Variants in NPEPL1 observed in about 807,000 individuals in gnomAD.
The protein encoded by NPEPL1 is aminopeptidase like 1.
NPEPL1 carries 45 observed loss-of-function variants against 52.4 expected under a neutral mutation model. That is an observed-to-expected ratio of 0.86 (90% CI 0.68 to 1.10). The LOEUF (loss-of-function observed/expected upper bound fraction) is 1.10, where lower values mean the gene tolerates loss of function less well. NPEPL1 is among the 50% of genes least tolerant of loss of function. The pLI, the probability that NPEPL1 is intolerant of heterozygous loss-of-function variation, is 0.00. For missense variants in NPEPL1, 696 were observed against 710.9 expected (o/e 0.98, Z 0.24); for synonymous variants, 360 against 314.7 (o/e 1.14, Z -1.52).
intron 7 of NPEPL1, among the ~76,000 whole-genome samples, chr20:58,708,813 G>T (rs1290617492): frequency 1.3e-5 from 2 of 152,104 alleles, no homozygotes; most frequent in Non-Finnish European, 2.9e-5. Context: ...TGCGGTGCTC[G>T]CTGGGCAGCT....
chr20:58,694,014 G>T, intron 2 of NPEPL1, 92 bp downstream of exon 2: 1 of 1,260,886 alleles, frequency 7.9e-7, no homozygotes, highest in Non-Finnish European at 1.1e-6. Context: ...TCAGACTGCA[G>T]CGCACGCCCA....
chr20:58,703,243 A>C (rs945257633), intron 6 of NPEPL1, among the ~76,000 whole-genome samples: 8 of 152,238 alleles, frequency 5.3e-5, no homozygotes, highest in Admixed American at 3.9e-4. Context: ...GCGAATTTGA[A>C]GCTTTTGTTT....
At chr20:58,691,707 T>G (rs1248726693), upstream of NPEPL1, 5 of 726,154 alleles carry the variant, frequency 6.9e-6, no homozygotes, top group Non-Finnish European at 1.1e-5. Context: ...TTTTTTTTTT[T>G]TTTTTTTCAT....
chr20:58,708,866 C>G (rs755994847), intron 7 of NPEPL1, among the ~76,000 whole-genome samples: 2 of 151,942 alleles, frequency 1.3e-5, no homozygotes, highest in African/African-American at 2.4e-5. Context: ...GGCACGGGGG[C>G]AGGGGTGGGC....
intron 6 of NPEPL1, among the ~76,000 whole-genome samples, chr20:58,701,378 G>T (rs567961361): frequency 4.1e-5 from 6 of 146,794 alleles, no homozygotes; most frequent in East Asian, 2.1e-4. Context: ...GCCCTGGGGG[G>T]GGGGGAGGGG....
At chr20:58,690,059 T>G (rs527724125), upstream of NPEPL1, among the ~76,000 whole-genome samples, 9 of 152,338 alleles carry the variant, frequency 5.9e-5, no homozygotes, top group South Asian at 1.9e-3. Context: ...GGGTGAAGTC[T>G]GACATGAAAT....
intron 3 of NPEPL1, 136 bp downstream of exon 3, chr20:58,694,728 G>A: frequency 1.0e-6 from 1 of 958,998 alleles, no homozygotes; most frequent in Non-Finnish European, 1.5e-6. Flanking sequence ...TTGGTTCCTG[G>A]GAAGCGGCAG....
In NPEPL1 at chr20:58,713,215, G is replaced by A. The variant is rs2084889763; in HGVS notation, c.1002-205G>A. 3 of 575,272 alleles carry A rather than the reference G, an allele frequency of 5.2e-6. No individual in the cohort carries two copies. The South Asian group carries it at 7.8e-5, about 15-fold the overall frequency. The allele number at this position is 575,272 out of a possible 1,614,324, so 35.6% of individuals were successfully genotyped here. ...TGGCTCTCCAGAGCAGCGGGGCAGG[G>A]ATGTCACCTGGAAGCCCTTTGCTCC... is the stretch of plus-strand genomic sequence containing the variant. On this transcript the variant is annotated intron_variant, in intron 8 of 11. Transcript: ENST00000356091. The surrounding 1 kb of genome is among the most constrained non-coding windows in gnomAD (Gnocchi z 4.6).
chr20:58,691,320 G>C (rs1339831542), upstream of NPEPL1: 1 of 569,858 alleles, frequency 1.8e-6, no homozygotes, highest in Non-Finnish European at 3.1e-6. Context: ...TTTATGTCGG[G>C]AAAGCTGAGG....
rs1199029327 is a variant in NPEPL1, at chr20:58,693,978, C to G, written c.336+56C>G. ...GCTCCTAGTCGGGCAGCGGTGAGCTCGGGCCTGGGGAGCTCACAGCCCTGC... is the reference window on the plus strand; with the variant it reads ...GCTCCTAGTCGGGCAGCGGTGAGCTGGGGCCTGGGGAGCTCACAGCCCTGC... On this transcript the variant is annotated intron_variant, in intron 2 of 11. Transcript: ENST00000356091. 1.1e-5 allele frequency: 16 copies of G among 1,485,274 alleles called. No homozygotes were observed. In the Admixed American group the frequency reaches 1.6e-4, roughly 15 times the overall value. 92.0% of individuals were successfully genotyped at this position (1,485,274 alleles called of 1,614,324 possible). A position where few individuals can be genotyped will look rare whatever the true frequency, so the allele number is the denominator to read the frequency against.
chr20:58,706,873 C>A (rs2084743817), intron 6 of NPEPL1, among the ~76,000 whole-genome samples: 1 of 152,210 alleles, frequency 6.6e-6, no homozygotes. Context: ...CCCCAAAGTT[C>A]TGTCAAAACA....
At chr20:58,701,442 G>A (rs1414175737) in intron 6 of NPEPL1, among the ~76,000 whole-genome samples, 1 of 149,290 alleles carries the variant, frequency 6.7e-6, no homozygotes, top group Non-Finnish European at 1.5e-5. Context: ...GGGGGGCGGC[G>A]AGGTTTCTGG....
intron 6 of NPEPL1, among the ~76,000 whole-genome samples, chr20:58,704,674 A>G (rs931711449): frequency 6.6e-6 from 1 of 152,228 alleles, no homozygotes; most frequent in Non-Finnish European, 1.5e-5. Context: ...GATGTAGTCT[A>G]TGGAAATGTG....
intron 3 of NPEPL1, among the ~76,000 whole-genome samples, chr20:58,697,258 C>G (rs2084512325): frequency 6.6e-6 from 1 of 152,260 alleles, no homozygotes; most frequent in South Asian, 2.1e-4. Flanking sequence ...CAGCCCTGCC[C>G]TCCCTCCCAC....
chr20:58,701,541 C>T (rs1391390163), intron 6 of NPEPL1, among the ~76,000 whole-genome samples: 1 of 152,030 alleles, frequency 6.6e-6, no homozygotes, highest in African/African-American at 2.4e-5. Flanking sequence ...CCCTGGGTTT[C>T]ATGCCCACCC....
Position 58,707,289 on chromosome 20 carries a change from C to T in NPEPL1, c.900+89C>T, listed in dbSNP as rs1167050717. On this transcript the variant is annotated intron_variant, in intron 7 of 11. Coordinates refer to ENST00000356091, the MANE Select transcript of NPEPL1 (RefSeq NM_024663.4). ...TCCCCTGTCCGTCCCGCCACAGGCC[C>T]CACCAGGGTCCTACCCGAGTCTCCC... The T allele has an allele frequency of 8.5e-6, 10 of 1,176,120 alleles. 1 individual carries two copies. Among genetic ancestry groups the T allele is most frequent in the African/African-American group, 1.5e-5 (1 of 65,668 alleles). 72.9% of individuals were successfully genotyped at this position (1,176,120 alleles called of 1,614,324 possible).
intron 3 of NPEPL1, among the ~76,000 whole-genome samples, chr20:58,697,902 C>T (rs982635320): frequency 6.6e-6 from 1 of 152,238 alleles, no homozygotes; most frequent in Non-Finnish European, 1.5e-5. Context: ...GCCCTGCCTT[C>T]GAGTGTGGGC....
chr20:58,695,459 G>C (rs1466807073), intron 3 of NPEPL1, among the ~76,000 whole-genome samples: 1 of 152,186 alleles, frequency 6.6e-6, no homozygotes, highest in Non-Finnish European at 1.5e-5. Context: ...CCAGATCCTT[G>C]GATGGGCCTG....
intron 7 of NPEPL1, among the ~76,000 whole-genome samples, chr20:58,711,912 C>G (rs900547948): frequency 6.6e-5 from 10 of 152,156 alleles, no homozygotes; most frequent in African/African-American, 2.4e-4. Context: ...TCTGGGAGCT[C>G]TACTCCATTT....
Sources: gnomAD v4.1 joint callset for allele counts (sites outside exome capture counted in the v4.1 genomes callset) on GRCh38, gnomAD v4.1.1 for gene constraint, Gnocchi (gnomAD v3.1) non-coding constraint, MANE v1.5 for transcripts, NCBI Gene and HGNC (gene_info 2026-07-23, HGNC 2026-07-21) for gene names.